The following LRP1B variants were observed in gnomAD, a reference collection of about 807,000 sequenced individuals.
LRP1B encodes LDL receptor related protein 1B, also known as low-density lipoprotein receptor-related protein 1B.
LRP1B carries 217 observed loss-of-function variants against 556.6 expected under a neutral mutation model. That is an observed-to-expected ratio of 0.39 (90% confidence interval 0.35 to 0.44). The LOEUF (loss-of-function observed/expected upper bound fraction) is 0.44, where lower values mean the gene tolerates loss of function less well. LRP1B is among the 20% of genes least tolerant of loss of function. The probability of loss-of-function intolerance (pLI) is 1.00; values close to 1 mark genes in which losing one functional copy is unlikely to be tolerated. For synonymous variants in LRP1B, 2,047 were observed against 1,865.8 expected (o/e 1.10, Z -2.50); for missense variants, 5,053 against 5,620.8 (o/e 0.90, Z 3.23).
intron 2 of LRP1B, among the ~76,000 whole-genome samples, chr2:141,786,310 C>A (rs563634221): frequency 5.8e-4 from 88 of 151,992 alleles, no homozygotes; most frequent in Middle Eastern, 3.4e-3. Flanking sequence ...TCAACTGTGT[C>A]TTTGTGCTTC....
chr2:141,617,547 C>A (rs1398959851), intron 2 of LRP1B, among the ~76,000 whole-genome samples: 1 of 152,092 alleles, frequency 6.6e-6, no homozygotes, highest in Admixed American at 6.5e-5. Flanking sequence ...TCTATCAATG[C>A]TTTCCTTACT....
At chr2:141,481,909 C>T (rs914377994) in intron 2 of LRP1B, among the ~76,000 whole-genome samples, 1 of 152,124 alleles carries the variant, frequency 6.6e-6, no homozygotes, top group Non-Finnish European at 1.5e-5. Flanking sequence ...AAAATGTTCT[C>T]AGAAGGTAAG....
intron 84 of LRP1B, among the ~76,000 whole-genome samples, chr2:140,293,657 A>G (rs1015972529): frequency 2.0e-5 from 3 of 152,182 alleles, no homozygotes; most frequent in Non-Finnish European, 4.4e-5. Flanking sequence ...ACAGAACACC[A>G]GGTCCACTGA....
chr2:141,879,467 A>G (rs1698881777), intron 1 of LRP1B, among the ~76,000 whole-genome samples: 1 of 152,000 alleles, frequency 6.6e-6, no homozygotes, highest in Non-Finnish European at 1.5e-5. Flanking sequence ...TTTTTTAAAA[A>G]TAGTAAATTC....
chr2:140,601,408 C>T, intron 42 of LRP1B, 42 bp downstream of exon 42: 1 of 1,404,136 alleles, frequency 7.1e-7, no homozygotes, highest in South Asian at 1.6e-5. Flanking sequence ...ATTCTTTTGA[C>T]TTATAACTAT....
intron 31 of LRP1B, among the ~76,000 whole-genome samples, chr2:140,821,757 G>A (rs529923062): frequency 1.6e-4 from 25 of 152,266 alleles, no homozygotes; most frequent in Non-Finnish European, 3.1e-4. Context: ...AGGGGAGGCC[G>A]GGCGCCATGG....
intron 2 of LRP1B, among the ~76,000 whole-genome samples, chr2:141,724,474 A>G (rs950861603): frequency 6.6e-6 from 1 of 151,914 alleles, no homozygotes; most frequent in African/African-American, 2.4e-5. Context: ...TCGTAATGCT[A>G]TATTTCTTCA....
chr2:140,426,345 A>G (rs1381917491), intron 66 of LRP1B, among the ~76,000 whole-genome samples: 1 of 152,228 alleles, frequency 6.6e-6, no homozygotes, highest in Non-Finnish European at 1.5e-5. Context: ...CTTATATTGT[A>G]TGCAGTAATT....
At chr2:140,731,869 A>G (rs1403734410) in intron 35 of LRP1B, among the ~76,000 whole-genome samples, 1 of 151,928 alleles carries the variant, frequency 6.6e-6, no homozygotes, top group Non-Finnish European at 1.5e-5. Flanking sequence ...GCAGGCTATC[A>G]TTATAGTATC....
At chr2:142,120,067 T>TC (rs35795066) in intron 1 of LRP1B, among the ~76,000 whole-genome samples, 50,440 of 151,960 alleles carry the variant, frequency 0.33, 8,601 homozygotes, top group Middle Eastern at 0.51. Context: ...CCTGGTAGGT[T>TC]CTCCTAACCT....
intron 1 of LRP1B, among the ~76,000 whole-genome samples, chr2:141,991,247 C>A (rs1477560902): frequency 6.6e-6 from 1 of 151,984 alleles, no homozygotes; most frequent in Non-Finnish European, 1.5e-5. Context: ...AAGCAACCAT[C>A]ATTCTTTTGA....
At chr2:142,100,295 T>C (rs1706528093) in intron 1 of LRP1B, among the ~76,000 whole-genome samples, 1 of 151,896 alleles carries the variant, frequency 6.6e-6, no homozygotes, top group Non-Finnish European at 1.5e-5. Flanking sequence ...GCACCAATGC[T>C]CTATGAAGTT....
chr2:140,241,193 G>A (rs1353871591), intron 87 of LRP1B, among the ~76,000 whole-genome samples: 1 of 150,620 alleles, frequency 6.6e-6, no homozygotes, highest in Non-Finnish European at 1.5e-5. Context: ...ATATGCATCT[G>A]TAATTTATTA....
In LRP1B at chr2:140,550,225, G is replaced by C. The variant is rs1386220055; in HGVS notation, c.7195-8254C>G. Reference sequence around the variant, plus strand: ...AGGAGTATTTTGGCATTGAACTGGGGGGTTTCTTCATCTGTTTTCTTTTCT... The same window carrying C: ...AGGAGTATTTTGGCATTGAACTGGGCGGTTTCTTCATCTGTTTTCTTTTCT... On this transcript the variant is annotated intron_variant, in intron 43 of 90. Coordinates refer to ENST00000389484, the MANE Select transcript of LRP1B (RefSeq NM_018557.3). Among the ~76,000 whole-genome samples the C allele has an allele frequency of 1.7e-4, 26 of 152,038 alleles. 1 individual carries two copies. Among genetic ancestry groups the C allele is most frequent in the Admixed American group, 1.7e-3 (26 of 15,244 alleles).
rs533727740 is a variant in LRP1B at position 140,380,988 on chromosome 2, G to A, written c.10532-2702C>T. On this transcript the variant is annotated intron_variant, in intron 67 of 90. Coordinates refer to ENST00000389484, the MANE Select transcript of LRP1B (RefSeq NM_018557.3). ...TGGAAATTCTGCATGTTTCTATCAC[G>A]TTTTTAAAAATGCCAGCAAATCTAC... Among the ~76,000 whole-genome samples the A allele has an allele frequency of 1.4e-4, 22 of 152,202 alleles. No individual in the cohort carries two copies. In the South Asian group the frequency reaches 2.1e-3, roughly 14 times the overall value.
chr2:142,027,465 T>C (rs1703547189), intron 1 of LRP1B, among the ~76,000 whole-genome samples: 1 of 151,820 alleles, frequency 6.6e-6, no homozygotes, highest in East Asian at 1.9e-4. Context: ...GGAAGACATA[T>C]TTTTACCTTT....
rs748716774 is a variant in LRP1B at position 140,496,650 on chromosome 2, TTTGA to T, written c.8851-906_8851-903del. On this transcript the variant is annotated intron_variant, in intron 55 of 90. Transcript: ENST00000389484. ...TGCCTTCCTAAAAACGATGAGGTAC[TTTGA>T]TTGGTCATTGTCTCTCAGTTCTGTT... 7.1e-4 allele frequency among the ~76,000 whole-genome samples: 108 copies of T among 152,202 alleles called. 1 individual carries two copies. The highest frequency in any genetic ancestry group is 6.8e-3 in the Middle Eastern group (2 of 294).
intron 6 of LRP1B, among the ~76,000 whole-genome samples, chr2:141,210,274 G>A (rs1373628845): frequency 6.6e-6 from 1 of 151,202 alleles, no homozygotes; most frequent in Non-Finnish European, 1.5e-5. Flanking sequence ...CATGTTACCT[G>A]ACAAAAATCC....
chr2:141,727,652 C>A (rs1400238731), intron 2 of LRP1B, among the ~76,000 whole-genome samples: 1 of 152,114 alleles, frequency 6.6e-6, no homozygotes. Context: ...TTCTACTATT[C>A]TTTCCAAGTC....
Sources: allele counts gnomAD v4.1 joint callset (sites outside exome capture counted in the v4.1 genomes callset), GRCh38; gene constraint gnomAD v4.1.1; transcripts MANE v1.5; gene names NCBI Gene and HGNC (gene_info 2026-07-23, HGNC 2026-07-21).